Variants in EPHA3 observed in about 807,000 individuals in gnomAD.
EPHA3 encodes EPH receptor A3.
EPHA3 carries 42 observed loss-of-function variants against 107.1 expected under a neutral mutation model. The ratio of observed to expected loss-of-function variants is 0.39; its 90% CI spans 0.31 to 0.51. EPHA3 has a LOEUF of 0.51. EPHA3 is among the 20% of genes least tolerant of loss of function. EPHA3 has a pLI of 0.78. For missense variants in EPHA3, 1,183 were observed against 1,211.2 expected (o/e 0.98, Z 0.35); for synonymous variants, 461 against 424.8 (o/e 1.09, Z -1.05).
intron 3 of EPHA3, among the ~76,000 whole-genome samples, chr3:89,260,356 T>C (rs1302306173): frequency 6.6e-6 from 1 of 152,242 alleles, no homozygotes; most frequent in African/African-American, 2.4e-5. Flanking sequence ...TATCTCTTGT[T>C]TTTTTGATAA....
At chr3:89,133,207 G>T (rs1704243530) in intron 2 of EPHA3, among the ~76,000 whole-genome samples, 1 of 152,142 alleles carries the variant, frequency 6.6e-6, no homozygotes, top group Non-Finnish European at 1.5e-5. Flanking sequence ...TGACAGTGTT[G>T]TGTGAAGTCT....
chr3:89,281,673 C>T (rs1206792576), intron 3 of EPHA3, among the ~76,000 whole-genome samples: 1 of 151,948 alleles, frequency 6.6e-6, no homozygotes, highest in Non-Finnish European at 1.5e-5. Flanking sequence ...CAAGATGTTC[C>T]ACTGGAGATA....
At chr3:89,384,264 C>G (rs1052528986) in intron 5 of EPHA3, among the ~76,000 whole-genome samples, 11 of 151,946 alleles carry the variant, frequency 7.2e-5, no homozygotes, top group Non-Finnish European at 1.5e-4. Context: ...AAGATATTGC[C>G]TAAAGCAATC....
chr3:89,231,784 A>T (rs1026139540), intron 3 of EPHA3, among the ~76,000 whole-genome samples: 2 of 152,226 alleles, frequency 1.3e-5, no homozygotes, highest in African/African-American at 4.8e-5. Context: ...ACATCTATTT[A>T]AACAAAGTTT....
chr3:89,249,909 C>T (rs6773815), intron 3 of EPHA3, among the ~76,000 whole-genome samples: 40,379 of 152,054 alleles, frequency 0.27, 5,627 homozygotes, highest in African/African-American at 0.32. Context: ...CCAACATTCA[C>T]TCTAATGCTA....
chr3:89,165,130 C>T (rs1256863319), intron 2 of EPHA3, among the ~76,000 whole-genome samples: 2 of 152,122 alleles, frequency 1.3e-5, no homozygotes, highest in African/African-American at 2.4e-5. Flanking sequence ...GTAAGTGATT[C>T]TAATGCAACA....
intron 3 of EPHA3, among the ~76,000 whole-genome samples, chr3:89,321,381 C>A (rs147083721): frequency 6.6e-6 from 1 of 152,140 alleles, no homozygotes; most frequent in African/African-American, 2.4e-5. Context: ...ATGAAAAATG[C>A]CATTCAATAA....
chr3:89,348,258 G>T (rs1385046387), intron 5 of EPHA3, among the ~76,000 whole-genome samples: 1 of 135,684 alleles, frequency 7.4e-6, no homozygotes, highest in Non-Finnish European at 1.6e-5. Context: ...ACTCTTTTTG[G>T]TTGGTAAACT....
intron 3 of EPHA3, among the ~76,000 whole-genome samples, chr3:89,265,678 A>C (rs1354922401): frequency 6.6e-6 from 1 of 152,140 alleles, no homozygotes; most frequent in African/African-American, 2.4e-5. Context: ...GTATAGCAGA[A>C]CCAATTGCTT....
intron 7 of EPHA3, among the ~76,000 whole-genome samples, chr3:89,402,030 C>A (rs1708974349): frequency 6.6e-6 from 1 of 152,224 alleles, no homozygotes; most frequent in Non-Finnish European, 1.5e-5. Flanking sequence ...AAGCTCAGAT[C>A]ACTATTAGAT....
chr3:89,107,758 C>G lies in EPHA3; in HGVS notation c.10C>G (p.Gln4Glu), dbSNP rs2106932157. Residue 4 changes from glutamine to glutamate, a missense_variant, in exon 1 of 17, where the codon CAG becomes GAG. Gln to Glu is a conservative substitution (Grantham distance 29). Transcript: ENST00000336596. MDC[Q>E]LSILLLLSCS... ...CCTCTGCACCAGCAACATGGATTGT[C>G]AGCTCTCCATCCTCCTCCTTCTCAG... 1.2e-6 allele frequency: 2 copies of G among 1,614,074 alleles called. No individual in the cohort carries two copies. Among genetic ancestry groups the G allele is most frequent in the South Asian group, 2.2e-5 (2 of 91,086 alleles).
chr3:89,201,911 G>A (rs1705977110), intron 2 of EPHA3, among the ~76,000 whole-genome samples: 3 of 152,108 alleles, frequency 2.0e-5, no homozygotes, highest in Admixed American at 6.5e-5. Context: ...TCCACAGCCC[G>A]CTGCCCTATA....
chr3:89,359,136 A>G, intron 5 of EPHA3, among the ~76,000 whole-genome samples: 1 of 151,380 alleles, frequency 6.6e-6, no homozygotes, highest in South Asian at 2.1e-4. Context: ...ATCAACAGTA[A>G]TTAGTATGAA....
chr3:89,337,692 C>T (rs769101457), intron 3 of EPHA3, among the ~76,000 whole-genome samples: 5 of 152,160 alleles, frequency 3.3e-5, no homozygotes, highest in Non-Finnish European at 7.4e-5. Flanking sequence ...AGATGTAAAA[C>T]ACACATACAG....
At chr3:89,273,967 C>G (rs1479617088) in intron 3 of EPHA3, among the ~76,000 whole-genome samples, 1 of 151,836 alleles carries the variant, frequency 6.6e-6, no homozygotes, top group Non-Finnish European at 1.5e-5. Flanking sequence ...AAATGAGGCA[C>G]TAAATAGACA....
chr3:89,272,544 G>A (rs1358498433), intron 3 of EPHA3, among the ~76,000 whole-genome samples: 5 of 151,888 alleles, frequency 3.3e-5, no homozygotes, highest in Non-Finnish European at 7.4e-5. Flanking sequence ...TAAGGCATGT[G>A]CTATGCCAGA....
rs776808297 is a variant in EPHA3, at chr3:89,399,449, C to T, written c.1563C>T (p.Ser521=). The part of the protein sequence containing the change: ...ARTAAGYGTN[S]RKFEFETSPD... ...CAGCCGCTGGATATGGGACGAACAGCCGCAAGTTTGAGTTTGAAACTAGTC... is the reference window on the plus strand; with the variant it reads ...CAGCCGCTGGATATGGGACGAACAGTCGCAAGTTTGAGTTTGAAACTAGTC... The change falls in exon 7 of 17, where the codon AGC becomes AGT. Residue 521 remains serine (S), a synonymous_variant. Coordinates refer to ENST00000336596, the MANE Select transcript of EPHA3 (RefSeq NM_005233.6). 1 of 1,614,090 alleles carries T rather than the reference C, an allele frequency of 6.2e-7. No individual in the cohort carries two copies. Among genetic ancestry groups the T allele is most frequent in the Non-Finnish European group, 8.5e-7 (1 of 1,180,012 alleles).
At chr3:89,251,200 T>A (rs982328603) in intron 3 of EPHA3, among the ~76,000 whole-genome samples, 9 of 152,084 alleles carry the variant, frequency 5.9e-5, no homozygotes, top group Non-Finnish European at 1.0e-4. Context: ...TTTGTTTTTT[T>A]AAAATCAGAA....
At chr3:89,476,120 TA>T (rs1277596987) in intron 16 of EPHA3, among the ~76,000 whole-genome samples, 1 of 147,478 alleles carries the variant, frequency 6.8e-6, no homozygotes, top group Non-Finnish European at 1.5e-5. Flanking sequence ...TATAAATATA[TA>T]AAAATATATA....
Sources: gnomAD v4.1 joint callset for allele counts (sites outside exome capture counted in the v4.1 genomes callset) on GRCh38, gnomAD v4.1.1 for gene constraint, MANE v1.5 for transcripts, NCBI Gene and HGNC (gene_info 2026-07-23, HGNC 2026-07-21) for gene names.